Variants in REL observed in about 807,000 individuals in gnomAD.
The protein encoded by REL is REL proto-oncogene, NF-kB subunit.
In REL, 15 loss-of-function variants were observed where a neutral mutation model predicts 45.9. The observed-to-expected ratio is 0.33, with a 90% CI of 0.22 to 0.50. The LOEUF (loss-of-function observed/expected upper bound fraction) is 0.50, where lower values mean the gene tolerates loss of function less well. Among genes scored for constraint, REL ranks in the 20% least tolerant of loss-of-function variants. REL has a pLI of 0.98. For synonymous variants in REL, 239 were observed against 242.1 expected, an observed-to-expected ratio of 0.99 and a Z score of 0.12; for missense variants, 601 against 715.2, an observed-to-expected ratio of 0.84 and a Z score of 1.82.
At chr2:60,911,247 A>T (rs1324261070) in intron 4 of REL, 1 of 152,210 alleles carries the variant, frequency 6.6e-6, no homozygotes, top group South Asian at 2.1e-4. Context: ...TGAAATTATT[A>T]TAGTGATAAC....
At chr2:60,883,959 T>TAA (rs71402308) in intron 1 of REL, among the ~76,000 whole-genome samples, 194 of 141,196 alleles carry the variant, frequency 1.4e-3, no homozygotes, top group African/African-American at 4.6e-3. Context: ...AGGCCTGGAA[T>TAA]AAAAAAAAAA....
chr2:60,886,113 A>G (rs1219433203), intron 1 of REL, among the ~76,000 whole-genome samples: 2 of 152,226 alleles, frequency 1.3e-5, no homozygotes, highest in Non-Finnish European at 2.9e-5. Context: ...TTCATGTTTT[A>G]AGACAATTAT....
intron 1 of REL, among the ~76,000 whole-genome samples, chr2:60,882,852 G>A (rs1471976249): frequency 6.6e-6 from 1 of 152,148 alleles, no homozygotes; most frequent in Non-Finnish European, 1.5e-5. Context: ...TATCACTTAT[G>A]TGACTATATA....
chr2:60,910,046 C>G (rs1183039273), intron 4 of REL, among the ~76,000 whole-genome samples: 1 of 152,062 alleles, frequency 6.6e-6, no homozygotes. Context: ...AAATTTAATT[C>G]CTGCTTATGA....
At chr2:60,900,519 C>T (rs142428451) in intron 3 of REL, 1 of 157,586 alleles carries the variant, frequency 6.3e-6, no homozygotes, top group African/African-American at 2.4e-5. Flanking sequence ...AGAAGTACAA[C>T]CCCACTTCTT....
In REL at chr2:60,922,358, A is replaced by C; in HGVS notation, c.1587A>C (p.Ala529=). ...CTGTTTTTGTTTCACAATCAGATGC[A>C]TTTGAGGGATCTGACTTCAGTTGTG... ...NTTVFVSQSD[A]FEGSDFSCAD... Residue 529 remains alanine, a synonymous_variant, in exon 10 of 10, where the codon GCA becomes GCC. Transcript: ENST00000394479. The C allele has an allele frequency of 6.2e-7, 1 of 1,614,158 alleles. No homozygotes were observed. Among genetic ancestry groups the C allele is most frequent in the South Asian group, 1.1e-5 (1 of 91,088 alleles).
chr2:60,902,473 C>T (rs1459961321), intron 4 of REL, among the ~76,000 whole-genome samples: 1 of 149,884 alleles, frequency 6.7e-6, no homozygotes, highest in East Asian at 1.9e-4. Context: ...TATTCTACTC[C>T]TTCATTTTTT....
intron 4 of REL, among the ~76,000 whole-genome samples, chr2:60,915,864 CAT>C (rs1487528830): frequency 6.6e-6 from 1 of 152,078 alleles, no homozygotes; most frequent in African/African-American, 2.4e-5. Flanking sequence ...TTAATTAAAA[CAT>C]TTTTTAAGTT....
chr2:60,915,271 A>C (rs943982905), intron 4 of REL, among the ~76,000 whole-genome samples: 1 of 152,212 alleles, frequency 6.6e-6, no homozygotes, highest in African/African-American at 2.4e-5. Flanking sequence ...TTGCATATTG[A>C]TTACTCATCT....
chr2:60,892,577 C>T (rs1007137336), intron 2 of REL, among the ~76,000 whole-genome samples: 2 of 151,678 alleles, frequency 1.3e-5, no homozygotes, highest in African/African-American at 4.8e-5. Context: ...TACAGACGCC[C>T]ACCACCACGC....
intron 4 of REL, among the ~76,000 whole-genome samples, chr2:60,905,243 C>T (rs991313749): frequency 5.3e-5 from 8 of 152,060 alleles, no homozygotes; most frequent in Admixed American, 3.9e-4. Context: ...TATAGGCACC[C>T]GCCACCGCAC....
At position 60,925,129 on chromosome 2, in the gene REL, A is replaced by T. The variant is rs968719389; in HGVS notation, c.*2594A>T. ...TAATCTTAATTATGATGGAATTATCATTATGCTAAGTAATTAACTTTACCT... is the reference window on the plus strand; with the variant it reads ...TAATCTTAATTATGATGGAATTATCTTTATGCTAAGTAATTAACTTTACCT... On this transcript the variant is annotated 3_prime_UTR_variant, in exon 10 of 10. Transcript: ENST00000394479. 2.0e-5 allele frequency: 4 copies of T among 199,462 alleles called. No homozygotes were observed. The highest frequency in any genetic ancestry group is 4.2e-5 in the Non-Finnish European group (4 of 96,374). The allele number at this position is 199,462 out of a possible 1,614,324, so 12.4% of individuals were successfully genotyped here. A position where few individuals can be genotyped will look rare whatever the true frequency, so the allele number is the denominator to read the frequency against.
Position 60,920,619 on chromosome 2 carries a change from G to A in REL, c.968G>A (p.Gly323Glu). ...RPRPGLLGSI[G>E]EGRYFKKEPN... ...AGACCTGGTCTCCTCGGTTCAATTG[G>A]AGAAGGAAGATACTTCAAAAAAGGT... The change falls in exon 9 of 10, where the codon GGA (glycine) becomes GAA (glutamate). Residue 323 changes from glycine (G) to glutamate (E), a missense_variant. Transcript: ENST00000394479. The A allele has an allele frequency of 6.2e-7, 1 of 1,602,346 alleles. No homozygotes were observed. The highest frequency in any genetic ancestry group is 8.5e-7 in the Non-Finnish European group (1 of 1,171,254).
chr2:60,905,574 C>G (rs576603133), intron 4 of REL, among the ~76,000 whole-genome samples: 8 of 152,096 alleles, frequency 5.3e-5, no homozygotes, highest in Non-Finnish European at 1.2e-4. Context: ...AATAACTTAT[C>G]CGAGTCACAT....
intron 3 of REL, among the ~76,000 whole-genome samples, chr2:60,898,678 C>T (rs1237462492): frequency 1.3e-5 from 2 of 152,186 alleles, no homozygotes; most frequent in Non-Finnish European, 2.9e-5. Flanking sequence ...GTCTCTGTTG[C>T]TCAGCTCTGC....
At chr2:60,883,869 T>G (rs544079683) in intron 1 of REL, among the ~76,000 whole-genome samples, 2 of 151,182 alleles carry the variant, frequency 1.3e-5, no homozygotes, top group East Asian at 3.9e-4. Context: ...TTTTGGTCTT[T>G]TCTAAGAGTT....
At chr2:60,910,193 C>T (rs536799990) in intron 4 of REL, among the ~76,000 whole-genome samples, 36 of 151,802 alleles carry the variant, frequency 2.4e-4, no homozygotes, top group African/African-American at 6.3e-4. Flanking sequence ...GGGCTGGGCA[C>T]GGTGGCTCAC....
At chr2:60,897,362 C>T (rs776405330) in intron 3 of REL, among the ~76,000 whole-genome samples, 8 of 149,184 alleles carry the variant, frequency 5.4e-5, no homozygotes, top group Non-Finnish European at 1.0e-4. Context: ...GGCTGGAGTG[C>T]GGTGGTGCGA....
rs1349098637 is a variant in REL at position 60,891,602 on chromosome 2, A to G, written c.11-81A>G. On this transcript the variant is annotated intron_variant, in intron 1 of 9. Transcript: ENST00000394479. ...AAAATCTTTGTTTTAGTCTGCTGTT[A>G]TAAAAAAAACAGAATGTTAAAATCC... 2.4e-6 allele frequency: 3 copies of G among 1,232,618 alleles called. No homozygotes were observed. In the African/African-American group the frequency reaches 4.6e-5, roughly 19 times the overall value. 76.4% of individuals were successfully genotyped at this position (1,232,618 alleles called of 1,614,324 possible). A position where few individuals can be genotyped will look rare whatever the true frequency, so the allele number is the denominator to read the frequency against.
Sources: allele counts gnomAD v4.1 joint callset (sites outside exome capture counted in the v4.1 genomes callset), GRCh38; gene constraint gnomAD v4.1.1; transcripts MANE v1.5; gene names NCBI Gene and HGNC (gene_info 2026-07-23, HGNC 2026-07-21).